Variants in NCEH1 observed in about 807,000 individuals in gnomAD.
NCEH1 encodes 2-acetyl MAGE hydrolase.
A neutral mutation model predicts 25.4 loss-of-function variants in NCEH1; 9 were observed. That is an observed-to-expected ratio of 0.35 (90% CI 0.21 to 0.62). The LOEUF (loss-of-function observed/expected upper bound fraction) is 0.62, where lower values mean the gene tolerates loss of function less well. NCEH1 is among the 20% of genes least tolerant of loss of function. The pLI is 0.72. For missense variants in NCEH1, 412 were observed against 501.1 expected (o/e 0.82, Z 1.70); for synonymous variants, 200 against 199.8 (o/e 1.00, Z -0.01).
chr3:172,697,353 C>G (rs1052055554), intron 1 of NCEH1, among the ~76,000 whole-genome samples: 2 of 152,102 alleles, frequency 1.3e-5, no homozygotes, highest in African/African-American at 4.8e-5. Flanking sequence ...TAAGCTTAAC[C>G]TATCAGAAAC....
intron 1 of NCEH1, among the ~76,000 whole-genome samples, chr3:172,682,391 G>C (rs1431602679): frequency 1.3e-5 from 2 of 152,094 alleles, no homozygotes; most frequent in African/African-American, 4.8e-5. Context: ...CATCTCTTCT[G>C]AATCACAAAT....
At chr3:172,662,617 C>G (rs942955027) in intron 1 of NCEH1, among the ~76,000 whole-genome samples, 25 of 152,262 alleles carry the variant, frequency 1.6e-4, no homozygotes, top group African/African-American at 6.0e-4. Context: ...GGTTGGTAGG[C>G]TATTAATTAT....
chr3:172,655,784 C>A (rs563961420), intron 1 of NCEH1, among the ~76,000 whole-genome samples: 5 of 152,194 alleles, frequency 3.3e-5, no homozygotes, highest in Middle Eastern at 3.4e-3. Context: ...TAAATTCCAC[C>A]AGAGAGGGAA....
intron 1 of NCEH1, among the ~76,000 whole-genome samples, chr3:172,669,306 A>G (rs552591413): frequency 1.4e-3 from 213 of 152,372 alleles, no homozygotes; most frequent in African/African-American, 4.8e-3. Context: ...CCTAAGGGTT[A>G]TTCCTTTAAA....
chr3:172,694,849 G>A (rs1311515920), intron 1 of NCEH1, among the ~76,000 whole-genome samples: 1 of 152,140 alleles, frequency 6.6e-6, no homozygotes, highest in African/African-American at 2.4e-5. Flanking sequence ...TCTTCATTCA[G>A]GGGATTTCAT....
At chr3:172,706,738 T>G (rs1012839051) in intron 1 of NCEH1, among the ~76,000 whole-genome samples, 89 of 151,908 alleles carry the variant, frequency 5.9e-4, no homozygotes, top group African/African-American at 2.1e-3. Flanking sequence ...TGACCTCAGG[T>G]AACCCGCCCG....
chr3:172,678,428 AAATCTACACC>A (rs1712138575), intron 1 of NCEH1, among the ~76,000 whole-genome samples: 1 of 152,154 alleles, frequency 6.6e-6, no homozygotes, highest in Non-Finnish European at 1.5e-5. Context: ...TGGAGTGTTT[AAATCTACACC>A]AGGAGCAGCT....
chr3:172,710,773 C>T lies in NCEH1; in HGVS notation c.138+74G>A, dbSNP rs550849553. 7.1e-6 allele frequency: 11 copies of T among 1,542,928 alleles called. No homozygotes were observed. In the African/African-American group the frequency reaches 1.4e-4, roughly 19 times the overall value. ...AAACCTGCGTTTTCGTGGAACCCGG[C>T]GGAGGAATTTTGTATCCCCTTCAAA... On this transcript the variant is annotated intron_variant, in intron 1 of 4. Transcript: ENST00000475381.
intron 3 of NCEH1, among the ~76,000 whole-genome samples, chr3:172,643,987 G>A (rs570614113): frequency 1.1e-4 from 16 of 152,334 alleles, no homozygotes; most frequent in African/African-American, 3.8e-4. Context: ...GACAACCCTT[G>A]AGTAATCTGG....
At chr3:172,644,578 G>A (rs1046708976) in intron 3 of NCEH1, among the ~76,000 whole-genome samples, 3 of 152,206 alleles carry the variant, frequency 2.0e-5, no homozygotes, top group African/African-American at 4.8e-5. Context: ...CCATCTATGC[G>A]ATGAGCTAGC....
intron 1 of NCEH1, among the ~76,000 whole-genome samples, chr3:172,688,345 A>AAG (rs1553838013): frequency 3.3e-5 from 5 of 151,360 alleles, no homozygotes; most frequent in Non-Finnish European, 7.4e-5. Context: ...AAAAAAAAAA[A>AAG]AAAAAAAGAA....
At chr3:172,680,391 C>T (rs1383045156) in intron 1 of NCEH1, among the ~76,000 whole-genome samples, 1 of 152,140 alleles carries the variant, frequency 6.6e-6, no homozygotes, top group Non-Finnish European at 1.5e-5. Flanking sequence ...CTCTGTGAAG[C>T]CCCCCTCCCC....
At chr3:172,687,952 G>A (rs988269218) in intron 1 of NCEH1, among the ~76,000 whole-genome samples, 4 of 152,032 alleles carry the variant, frequency 2.6e-5, no homozygotes, top group Admixed American at 2.0e-4. Flanking sequence ...CAGAACCAAG[G>A]CATAAAATTA....
chr3:172,691,204 C>T (rs987213729), intron 1 of NCEH1, among the ~76,000 whole-genome samples: 9 of 152,166 alleles, frequency 5.9e-5, no homozygotes, highest in Non-Finnish European at 1.2e-4. Flanking sequence ...CCCCTCATGA[C>T]CAAACCCCAG....
At chr3:172,656,161 AAG>A (rs1045693308) in intron 1 of NCEH1, among the ~76,000 whole-genome samples, 5 of 152,236 alleles carry the variant, frequency 3.3e-5, no homozygotes, top group Non-Finnish European at 7.4e-5. Context: ...GAGTTGAAGA[AAG>A]AGAGAGAGTA....
chr3:172,642,263 T>G (rs1000636108), intron 3 of NCEH1, among the ~76,000 whole-genome samples: 3 of 152,184 alleles, frequency 2.0e-5, no homozygotes, highest in South Asian at 4.2e-4. Context: ...AGCCTTGATC[T>G]CCTATGCTCA....
intron 3 of NCEH1, among the ~76,000 whole-genome samples, chr3:172,644,023 G>A (rs1370892160): frequency 6.6e-6 from 1 of 152,208 alleles, no homozygotes; most frequent in Non-Finnish European, 1.5e-5. Flanking sequence ...GTCCAGAAAG[G>A]TCCAGGTGCG....
At chr3:172,649,170 G>A (rs946062159) in intron 1 of NCEH1, among the ~76,000 whole-genome samples, 3 of 151,996 alleles carry the variant, frequency 2.0e-5, no homozygotes, top group African/African-American at 7.3e-5. Flanking sequence ...GCAAATTCCT[G>A]AGCCCTTTAC....
At chr3:172,637,725 C>A (rs1189662903) in intron 3 of NCEH1, among the ~76,000 whole-genome samples, 4 of 152,134 alleles carry the variant, frequency 2.6e-5, no homozygotes. Flanking sequence ...CCCGTTTCTA[C>A]TAAAAATACA....
Sources: gnomAD v4.1 joint callset for allele counts (sites outside exome capture counted in the v4.1 genomes callset) on GRCh38, gnomAD v4.1.1 for gene constraint, MANE v1.5 for transcripts, NCBI Gene and HGNC (gene_info 2026-07-23, HGNC 2026-07-21) for gene names.